Variants in PCDHGA1 observed in about 807,000 individuals in gnomAD.
PCDHGA1 encodes protocadherin gamma-A1.
Under a neutral mutation model 58.0 loss-of-function variants are expected in PCDHGA1, and 32 were observed. The ratio of observed to expected loss-of-function variants is 0.55; its 90% CI spans 0.42 to 0.74. The LOEUF (loss-of-function observed/expected upper bound fraction) is 0.74, where lower values mean the gene tolerates loss of function less well. Among genes scored for constraint, PCDHGA1 ranks in the 30% least tolerant of loss-of-function variants. The pLI is 0.00. For missense variants in PCDHGA1, 1,205 were observed against 1,182.3 expected, an observed-to-expected ratio of 1.02 and a Z score of -0.28; for synonymous variants, 498 against 501.1, an observed-to-expected ratio of 0.99 and a Z score of 0.08.
rs1025985501 is a variant in PCDHGA1 at position 141,432,385 on chromosome 5, C to G, written c.2422-62422C>G. 2.5e-6 allele frequency: 4 copies of G among 1,614,138 alleles called. No homozygotes were observed. In the African/African-American group the frequency reaches 5.3e-5, roughly 22 times the overall value. Reference sequence around the variant, plus strand: ...CGCGGGACAACGGGCACCCGCCCCTCAGCAGCAACGTGTCGTTGAGCCTGT... The same window carrying G: ...CGCGGGACAACGGGCACCCGCCCCTGAGCAGCAACGTGTCGTTGAGCCTGT... On this transcript the variant is annotated intron_variant, in intron 1 of 3. Transcript: ENST00000517417. The surrounding 1 kb of genome is among the most constrained non-coding windows in gnomAD (Gnocchi z 6.0).
chr5:141,360,576 G>A lies in PCDHGA1; in HGVS notation c.2421+27471G>A, dbSNP rs776110254. 1.9e-6 allele frequency: 3 copies of A among 1,613,810 alleles called. No homozygotes were observed. In the East Asian group the frequency reaches 6.7e-5, roughly 36 times the overall value. On this transcript the variant is annotated intron_variant, in intron 1 of 3. Coordinates refer to ENST00000517417, the MANE Select transcript of PCDHGA1 (RefSeq NM_018912.3). ...ATTTAAAAATTGGCGAATCCACTAA[G>A]CCAGGTACAACATTTCCACTTGACC...
chr5:141,490,497 C>T lies in PCDHGA1; in HGVS notation c.2422-4310C>T. 8 of 1,614,196 alleles carry T rather than the reference C, an allele frequency of 5.0e-6. No individual in the cohort carries two copies. Among genetic ancestry groups the T allele is most frequent in the Non-Finnish European group, 6.8e-6 (8 of 1,180,038 alleles). ...CTTTGGACCGGGAGGCCACATCCCACTATATCATCGAGCTGCTGGCCAGCG... is the reference window on the plus strand; with the variant it reads ...CTTTGGACCGGGAGGCCACATCCCATTATATCATCGAGCTGCTGGCCAGCG... On this transcript the variant is annotated intron_variant, in intron 1 of 3. Transcript: ENST00000517417. The surrounding 1 kb of genome is among the most constrained non-coding windows in gnomAD (Gnocchi z 5.4).
intron 1 of PCDHGA1, among the ~76,000 whole-genome samples, chr5:141,483,980 G>C (rs1379963326): frequency 2.0e-5 from 3 of 148,294 alleles, no homozygotes; most frequent in African/African-American, 7.5e-5. Flanking sequence ...CAAGGGAGTA[G>C]CTAGGTTGCT....
At position 141,345,510 on chromosome 5, in the gene PCDHGA1, G is replaced by A. The variant is rs778058001; in HGVS notation, c.2421+12405G>A. On this transcript the variant is annotated intron_variant, in intron 1 of 3. Transcript: ENST00000517417. ...CGCCCGCATCACTTATGCATTGACCGAGGACACTCTCCAGGGGGCGCCCCT... is the reference window on the plus strand; with the variant it reads ...CGCCCGCATCACTTATGCATTGACCAAGGACACTCTCCAGGGGGCGCCCCT... 10 of 1,613,982 alleles carry A rather than the reference G, an allele frequency of 6.2e-6. No individual in the cohort carries two copies. In the African/African-American group the frequency reaches 6.7e-5, roughly 11 times the overall value.
rs1318239086 is a variant in PCDHGA1 at position 141,375,939 on chromosome 5, T to C, written c.2421+42834T>C. 2.5e-6 allele frequency: 4 copies of C among 1,613,658 alleles called. No homozygotes were observed. In the East Asian group the frequency reaches 8.9e-5, roughly 36 times the overall value. On this transcript the variant is annotated intron_variant, in intron 1 of 3. Transcript: ENST00000517417. ...GCCAGCGAGCCAGGACTTTTCTCAGTGGGCCTGCACACGGGCGAGGTGCGC... is the reference window on the plus strand; with the variant it reads ...GCCAGCGAGCCAGGACTTTTCTCAGCGGGCCTGCACACGGGCGAGGTGCGC...
intron 1 of PCDHGA1, chr5:141,415,733 T>C: frequency 7.1e-7 from 1 of 1,407,484 alleles, no homozygotes; most frequent in Non-Finnish European, 9.3e-7. Context: ...ATTTGATGTT[T>C]ATTAAGGTTT....
chr5:141,415,336 C>T (rs746539261), intron 1 of PCDHGA1: 5 of 1,614,200 alleles, frequency 3.1e-6, no homozygotes, highest in South Asian at 2.2e-5. Flanking sequence ...GCACAGGCTG[C>T]GGCGCTGGCA....
Position 141,423,691 on chromosome 5 carries a change from T to C in PCDHGA1, c.2422-71116T>C. On this transcript the variant is annotated intron_variant, in intron 1 of 3. Coordinates refer to ENST00000517417, the MANE Select transcript of PCDHGA1 (RefSeq NM_018912.3). Reference sequence around the variant, plus strand: ...ATTTATTTCTCTGCCTCCTAATTGTTGGTGTCTTGGCACAAGTCTTTTAAG... The same window carrying C: ...ATTTATTTCTCTGCCTCCTAATTGTCGGTGTCTTGGCACAAGTCTTTTAAG... 5 of 1,506,830 alleles carry C rather than the reference T, an allele frequency of 3.3e-6. No individual in the cohort carries two copies. The South Asian group carries it at 6.9e-5, about 21-fold the overall frequency. 93.3% of individuals were successfully genotyped at this position (1,506,830 alleles called of 1,614,324 possible).
In PCDHGA1 at chr5:141,477,772, C is replaced by G. The variant is rs760319541; in HGVS notation, c.2422-17035C>G. The G allele has an allele frequency of 1.5e-5, 25 of 1,613,908 alleles. No homozygotes were observed. Among genetic ancestry groups the G allele is most frequent in the Non-Finnish European group, 2.1e-5 (25 of 1,180,042 alleles). On this transcript the variant is annotated intron_variant, in intron 1 of 3. Coordinates refer to ENST00000517417, the MANE Select transcript of PCDHGA1 (RefSeq NM_018912.3). This position sits in a 1 kb window ranked among gnomAD's most constrained non-coding sequence, Gnocchi z 4.9. Reference sequence around the variant, plus strand: ...CCCCGGTCCTAGCCACCAACATCAGCGTGAACATATTTGTCACTGATCGCA... The same window carrying G: ...CCCCGGTCCTAGCCACCAACATCAGGGTGAACATATTTGTCACTGATCGCA...
intron 1 of PCDHGA1, among the ~76,000 whole-genome samples, chr5:141,472,924 T>G (rs1247655318): frequency 2.0e-5 from 3 of 147,960 alleles, no homozygotes; most frequent in African/African-American, 7.5e-5. Flanking sequence ...AGGAGGAGGT[T>G]GTGGTGAGCC....
intron 1 of PCDHGA1, among the ~76,000 whole-genome samples, chr5:141,335,731 G>C (rs1014986162): frequency 1.3e-5 from 2 of 152,092 alleles, no homozygotes; most frequent in African/African-American, 2.4e-5. Flanking sequence ...TACAAAAAAG[G>C]GTTCAGCAAA....
At chr5:141,369,356 G>GA (rs1766179891) in intron 1 of PCDHGA1, among the ~76,000 whole-genome samples, 1 of 152,234 alleles carries the variant, frequency 6.6e-6, no homozygotes, top group Non-Finnish European at 1.5e-5. Context: ...GATGTAGTAT[G>GA]AAAAAACATC....
At chr5:141,421,387 G>A in intron 1 of PCDHGA1, 3 of 1,614,054 alleles carry the variant, frequency 1.9e-6, no homozygotes, top group Non-Finnish European at 2.5e-6. Context: ...CAAGGACCTG[G>A]GGCTGGAGCC....
chr5:141,410,104 C>T, intron 1 of PCDHGA1: 1 of 1,612,582 alleles, frequency 6.2e-7, no homozygotes, highest in African/African-American at 1.3e-5. Context: ...CCTTAGGCGA[C>T]AGGGACGCAG....
intron 1 of PCDHGA1, among the ~76,000 whole-genome samples, chr5:141,450,166 T>TCCCACCACACC (rs1046248061): frequency 2.0e-5 from 3 of 151,062 alleles, no homozygotes; most frequent in African/African-American, 7.3e-5. Flanking sequence ...GCCACCACAC[T>TCCCACCACACC]CCCACCACAC....
At chr5:141,406,072 CT>C (rs530474569) in intron 1 of PCDHGA1, among the ~76,000 whole-genome samples, 16,756 of 141,280 alleles carry the variant, frequency 0.12, 1,110 homozygotes, top group African/African-American at 0.2. Flanking sequence ...ATTCTTACTC[CT>C]TTTTTTTTTT....
Position 141,332,935 on chromosome 5 carries a change from C to T in PCDHGA1, c.2251C>T (p.Gln751Ter). ...CGTGGACGGGGTTCGGGCTTTCCTG[C>T]AGACCTATTCCCACGAGGTCTCCCT... ...VGVDGVRAFLQTYSHEVSLTA... is the reference protein window; with the variant it reads ...VGVDGVRAFL The change falls in exon 1 of 4, where the codon CAG (glutamine) becomes TAG (stop). Residue 751 changes from glutamine to a stop codon, truncating the protein, a stop_gained. Coordinates refer to ENST00000517417, the MANE Select transcript of PCDHGA1 (RefSeq NM_018912.3). LOFTEE classifies it high-confidence loss of function. The surrounding 1 kb of genome is among the most constrained non-coding windows in gnomAD (Gnocchi z 4.6). 1.2e-6 allele frequency: 2 copies of T among 1,614,226 alleles called. No individual in the cohort carries two copies. The highest frequency in any genetic ancestry group is 1.7e-6 in the Non-Finnish European group (2 of 1,180,044).
chr5:141,385,593 C>T lies in PCDHGA1; in HGVS notation c.2421+52488C>T. On this transcript the variant is annotated intron_variant, in intron 1 of 3. Transcript: ENST00000517417. ...ACTTTCCAATCTATGTTCCAACCTA[C>T]TTTCTTAACTCATATATTTTATACA... is the stretch of plus-strand genomic sequence containing the variant. The T allele has an allele frequency of 2.4e-6, 3 of 1,235,054 alleles. No individual in the cohort carries two copies. The South Asian group carries it at 7.5e-5, about 31-fold the overall frequency. The allele number at this position is 1,235,054 out of a possible 1,614,324, so 76.5% of individuals were successfully genotyped here. A position where few individuals can be genotyped will look rare whatever the true frequency, so the allele number is the denominator to read the frequency against.
chr5:141,370,583 T>C lies in PCDHGA1; in HGVS notation c.2421+37478T>C, dbSNP rs376045764. 30 of 1,613,706 alleles carry C rather than the reference T, an allele frequency of 1.9e-5. No individual in the cohort carries two copies. In the African/African-American group the frequency reaches 3.6e-4, roughly 19 times the overall value. Reference sequence around the variant, plus strand: ...GGTTTGGCGTGGGGGATTTACCTACTAGGAACCTGCGGGTTATTGCAGAGA... The same window carrying C: ...GGTTTGGCGTGGGGGATTTACCTACCAGGAACCTGCGGGTTATTGCAGAGA... On this transcript the variant is annotated intron_variant, in intron 1 of 3. Coordinates refer to ENST00000517417, the MANE Select transcript of PCDHGA1 (RefSeq NM_018912.3).
Sources: gnomAD v4.1 joint callset for allele counts (sites outside exome capture counted in the v4.1 genomes callset) on GRCh38, gnomAD v4.1.1 for gene constraint, Gnocchi (gnomAD v3.1) non-coding constraint, MANE v1.5 for transcripts, NCBI Gene and HGNC (gene_info 2026-07-23, HGNC 2026-07-21) for gene names.